Variants in AHCY observed in about 807,000 individuals in gnomAD.
AHCY encodes adenosylhomocysteinase.
In AHCY, 24 loss-of-function variants were observed where a neutral mutation model predicts 45.4. That is an observed-to-expected ratio of 0.53 (90% CI 0.38 to 0.74). AHCY has a LOEUF of 0.74. Among genes scored for constraint, AHCY ranks in the 30% least tolerant of loss-of-function variants. The probability of loss-of-function intolerance (pLI) is 0.00; values close to 1 mark genes in which losing one functional copy is unlikely to be tolerated. For synonymous variants in AHCY, 245 were observed against 235.1 expected, an observed-to-expected ratio of 1.04 and a Z score of -0.39; for missense variants, 449 against 594.1, an observed-to-expected ratio of 0.76 and a Z score of 2.54.
At chr20:34,252,850 C>T in the AHCY span, among the ~76,000 whole-genome samples, 2 of 152,158 alleles carry the variant, frequency 1.3e-5, no homozygotes, top group Non-Finnish European at 2.9e-5. Flanking sequence ...CCTGGTTAAT[C>T]GAGAATGGAG....
chr20:34,263,015 G>T, the AHCY span: 1 of 1,145,132 alleles, frequency 8.7e-7, no homozygotes, highest in African/African-American at 1.6e-5. Flanking sequence ...ATTAACAAAA[G>T]AAACTGAAAG....
the AHCY span, among the ~76,000 whole-genome samples, chr20:34,236,545 C>T: frequency 2.9e-5 from 4 of 137,066 alleles, no homozygotes; most frequent in African/African-American, 1.1e-4. Flanking sequence ...AACTCTGTCT[C>T]AAAAAAAAAA....
the AHCY span, among the ~76,000 whole-genome samples, chr20:34,235,892 A>AG: frequency 3.2e-4 from 34 of 107,118 alleles, 2 homozygotes; most frequent in African/African-American, 2.4e-3. Context: ...GAAGGAAGGA[A>AG]GGAAGGAAAG....
chr20:34,263,303 G>A, the AHCY span, among the ~76,000 whole-genome samples: 19 of 152,252 alleles, frequency 1.2e-4, no homozygotes, highest in Middle Eastern at 3.4e-3. Context: ...GGTGGCTCAC[G>A]CCTATAATCC....
At chr20:34,237,039 G>A in the AHCY span, among the ~76,000 whole-genome samples, 1 of 151,788 alleles carries the variant, frequency 6.6e-6, no homozygotes, top group Non-Finnish European at 1.5e-5. Flanking sequence ...TTTATTTCTG[G>A]GCCTTTATTT....
chr20:34,268,261 G>T, the AHCY span, among the ~76,000 whole-genome samples: 1 of 152,110 alleles, frequency 6.6e-6, no homozygotes, highest in South Asian at 2.1e-4. Context: ...AGCAAGCTGT[G>T]GCAGCAGTGT....
downstream of AHCY, among the ~76,000 whole-genome samples, chr20:34,276,546 T>C (rs1437034699): frequency 1.3e-5 from 2 of 152,050 alleles, no homozygotes; most frequent in Admixed American, 1.3e-4. Context: ...GCAGTGTGAA[T>C]TTAGGTTCCA....
upstream of AHCY, among the ~76,000 whole-genome samples, chr20:34,307,821 CA>C (rs1374247551): frequency 6.6e-6 from 1 of 152,152 alleles, no homozygotes; most frequent in Non-Finnish European, 1.5e-5. Flanking sequence ...TATTTTAGTT[CA>C]GGGGTACCTG....
intron 9 of AHCY, among the ~76,000 whole-genome samples, chr20:34,282,705 A>G (rs1408838649): frequency 2.0e-5 from 3 of 152,204 alleles, no homozygotes; most frequent in Non-Finnish European, 4.4e-5. Flanking sequence ...ATCTGGCTTC[A>G]AAGCCCCAAA....
At chr20:34,276,516 T>A (rs1237434064), downstream of AHCY, among the ~76,000 whole-genome samples, 1 of 152,132 alleles carries the variant, frequency 6.6e-6, no homozygotes, top group Non-Finnish European at 1.5e-5. Flanking sequence ...GCAGGGTTGA[T>A]CAGACTATTA....
chr20:34,298,646 GA>G (rs1191398008), intron 1 of AHCY, among the ~76,000 whole-genome samples: 2 of 144,956 alleles, frequency 1.4e-5, no homozygotes, highest in African/African-American at 2.5e-5. Context: ...GGGGAGTTTA[GA>G]AAAGACTCTG....
the AHCY span, among the ~76,000 whole-genome samples, chr20:34,257,352 TGGGATTATA>T: frequency 6.6e-6 from 1 of 152,178 alleles, no homozygotes; most frequent in Non-Finnish European, 1.5e-5. Flanking sequence ...CCCAAAGTGC[TGGGATTATA>T]GGCGTGAGCC....
At chr20:34,233,937 C>T in the AHCY span, among the ~76,000 whole-genome samples, 2 of 152,244 alleles carry the variant, frequency 1.3e-5, no homozygotes, top group African/African-American at 2.4e-5. Flanking sequence ...CCAGTCAACA[C>T]TCAGTGCAAT....
chr20:34,282,851 C>T (rs913649755), intron 9 of AHCY, among the ~76,000 whole-genome samples: 7 of 152,188 alleles, frequency 4.6e-5, no homozygotes, highest in Non-Finnish European at 7.3e-5. Context: ...CTCCCTACCC[C>T]TAAGGGACCC....
chr20:34,303,207 G>A (rs1601689851), intron 1 of AHCY, 36 bp downstream of exon 1: 2 of 1,550,858 alleles, frequency 1.3e-6, no homozygotes, highest in Non-Finnish European at 1.7e-6. Flanking sequence ...GGCGGGTGCC[G>A]GGCGGCCGCA....
At chr20:34,264,933 C>A in the AHCY span, among the ~76,000 whole-genome samples, 1 of 151,594 alleles carries the variant, frequency 6.6e-6, no homozygotes, top group African/African-American at 2.4e-5. Context: ...GCAGCTAGGA[C>A]TACGGGTGTG....
In AHCY at chr20:34,290,876, T is replaced by C. The variant is rs1449015568; in HGVS notation, c.621A>G (p.Thr207=). The part of the protein sequence containing the change: ...ESLIDGIKRA[T]DVMIAGKVAV... ...CTACCTTGCCGGCAATCATCACATCTGTGGCCCGCTTGATGCCATCTATGA... is the reference window on the plus strand; with the variant it reads ...CTACCTTGCCGGCAATCATCACATCCGTGGCCCGCTTGATGCCATCTATGA... Residue 207 remains threonine, a synonymous_variant, in exon 6 of 10, where the codon ACA becomes ACG. Coordinates refer to ENST00000217426, the MANE Select transcript of AHCY (RefSeq NM_000687.4). The surrounding 1 kb of genome is among the most constrained non-coding windows in gnomAD (Gnocchi z 4.5). 1.2e-6 allele frequency: 2 copies of C among 1,614,076 alleles called. No individual in the cohort carries two copies. The highest frequency in any genetic ancestry group is 1.7e-6 in the Non-Finnish European group (2 of 1,179,994).
At chr20:34,291,384 A>G (rs771877442) in intron 5 of AHCY, 35 bp downstream of exon 5, 1 of 1,567,782 alleles carries the variant, frequency 6.4e-7, no homozygotes. Context: ...AGCTGCAGCC[A>G]CTGTAGCGGG....
Position 34,290,860 on chromosome 20 carries a change from C to G in AHCY, c.637G>C (p.Gly213Arg). The change falls in exon 6 of 10, where the codon GGC becomes CGC. Residue 213 changes from glycine (G) to arginine (R), a missense_variant. Coordinates refer to ENST00000217426, the MANE Select transcript of AHCY (RefSeq NM_000687.4). This position sits in a 1 kb window ranked among gnomAD's most constrained non-coding sequence, Gnocchi z 4.5. ...IKRATDVMIA[G>R]KVAVVAGYGD... ...TAGCCTGCTACCACCGCTACCTTGC[C>G]GGCAATCATCACATCTGTGGCCCGC... is the stretch of plus-strand genomic sequence containing the variant. The G allele has an allele frequency of 6.2e-7, 1 of 1,614,174 alleles. No homozygotes were observed. Among genetic ancestry groups the G allele is most frequent in the Non-Finnish European group, 8.5e-7 (1 of 1,180,036 alleles).
Sources: gnomAD v4.1 joint callset for allele counts (sites outside exome capture counted in the v4.1 genomes callset) on GRCh38, gnomAD v4.1.1 for gene constraint, Gnocchi (gnomAD v3.1) non-coding constraint, MANE v1.5 for transcripts, NCBI Gene and HGNC (gene_info 2026-07-23, HGNC 2026-07-21) for gene names.